SNX30: variants seen among roughly 807,000 people sequenced by gnomAD.
SNX30 encodes sorting nexin-30.
A neutral mutation model predicts 46.4 loss-of-function variants in SNX30; 24 were observed. That is an observed-to-expected ratio of 0.52 (90% CI 0.37 to 0.73). The LOEUF is 0.73. SNX30 is among the 30% of genes least tolerant of loss of function. The pLI is 0.00. For synonymous variants in SNX30, 189 were observed against 211.5 expected (o/e 0.89, Z 0.92); for missense variants, 533 against 555.7 (o/e 0.96, Z 0.41).
chr9:112,861,139 GCTT>G (rs1368522214), intron 7 of SNX30, among the ~76,000 whole-genome samples: 1 of 152,200 alleles, frequency 6.6e-6, no homozygotes, highest in Non-Finnish European at 1.5e-5. Flanking sequence ...ACTGAAGAGG[GCTT>G]CATGCAGTGC....
chr9:112,753,023 T>C (rs1035762085), intron 1 of SNX30, among the ~76,000 whole-genome samples: 90 of 152,292 alleles, frequency 5.9e-4, no homozygotes, highest in East Asian at 7.7e-4. Flanking sequence ...GTATAACTTA[T>C]CTTGGAAATG....
At chr9:112,823,271 C>G (rs564011424) in intron 3 of SNX30, among the ~76,000 whole-genome samples, 22 of 152,160 alleles carry the variant, frequency 1.4e-4, no homozygotes, top group Non-Finnish European at 2.5e-4. Context: ...GGAATGTATC[C>G]CCCTAGGATA....
At chr9:112,790,514 C>T (rs372019587) in intron 1 of SNX30, among the ~76,000 whole-genome samples, 1 of 152,242 alleles carries the variant, frequency 6.6e-6, no homozygotes, top group East Asian at 1.9e-4. Context: ...TGGAAGCATG[C>T]GTTGGCTCTT....
At chr9:112,838,377 A>T in intron 5 of SNX30, 121 bp from the exon 6 acceptor site, 1 of 753,692 alleles carries the variant, frequency 1.3e-6, no homozygotes, top group Non-Finnish European at 2.2e-6. Context: ...GGATCAGGTG[A>T]GTGAATGGCC....
intron 4 of SNX30, among the ~76,000 whole-genome samples, chr9:112,831,334 G>T (rs1178919091): frequency 6.6e-6 from 1 of 151,986 alleles, no homozygotes; most frequent in Non-Finnish European, 1.5e-5. Context: ...CACCCCATCC[G>T]GGGCCCCACC....
chr9:112,830,650 C>A (rs1840646068), intron 3 of SNX30, 75 bp from the exon 4 acceptor site: 3 of 1,380,710 alleles, frequency 2.2e-6, no homozygotes, highest in African/African-American at 1.5e-5. Flanking sequence ...GGTAATAGAA[C>A]TGTGTGCTAG....
chr9:112,806,877 A>G (rs1400152982), intron 2 of SNX30, among the ~76,000 whole-genome samples: 2 of 152,008 alleles, frequency 1.3e-5, no homozygotes, highest in Non-Finnish European at 2.9e-5. Flanking sequence ...TTGCTTTCCA[A>G]TGTTCCCTTC....
intron 1 of SNX30, among the ~76,000 whole-genome samples, chr9:112,766,621 C>G (rs1417294007): frequency 6.6e-6 from 1 of 152,202 alleles, no homozygotes; most frequent in Non-Finnish European, 1.5e-5. Flanking sequence ...CTGCCATTCT[C>G]TGTCTTCCCC....
At chr9:112,756,950 AAC>A (rs1839360149) in intron 1 of SNX30, among the ~76,000 whole-genome samples, 4 of 152,338 alleles carry the variant, frequency 2.6e-5, no homozygotes, top group Admixed American at 1.3e-4. Context: ...GGAGCAAATG[AAC>A]ACAGTCATCA....
Position 112,866,519 on chromosome 9 carries a change from G to A in SNX30, c.1254+2120G>A, listed in dbSNP as rs201676152. On this transcript the variant is annotated intron_variant, in intron 8 of 8. Transcript: ENST00000374232. ...GATCTGAAGTGATGGCCTAGGGAGA[G>A]AGCAGGACCTGGAATGCCACAGACC... 3.9e-3 allele frequency: 1,846 copies of A among 470,700 alleles called. 15 individuals are homozygous for A. Among genetic ancestry groups the A allele is most frequent in the Non-Finnish European group, 5.7e-3 (1,302 of 226,760 alleles). 29.2% of individuals were successfully genotyped at this position (470,700 alleles called of 1,614,324 possible).
intron 1 of SNX30, among the ~76,000 whole-genome samples, chr9:112,764,403 T>A (rs1588107801): frequency 6.6e-6 from 1 of 152,054 alleles, no homozygotes; most frequent in Admixed American, 6.5e-5. Context: ...TTTAAAGAGA[T>A]GGGGTCTCAC....
intron 7 of SNX30, among the ~76,000 whole-genome samples, chr9:112,861,779 G>T (rs1180148450): frequency 6.6e-6 from 1 of 152,174 alleles, no homozygotes; most frequent in African/African-American, 2.4e-5. Context: ...CCGCCACTCT[G>T]GAGTGCCTTC....
intron 1 of SNX30, among the ~76,000 whole-genome samples, chr9:112,785,452 C>T (rs1471712743): frequency 1.3e-5 from 2 of 150,296 alleles, no homozygotes; most frequent in East Asian, 2.0e-4. Flanking sequence ...GGCACAATCT[C>T]GGCTCACTGC....
chr9:112,855,057 C>T (rs111974670), intron 7 of SNX30, among the ~76,000 whole-genome samples: 4 of 152,286 alleles, frequency 2.6e-5, no homozygotes, highest in African/African-American at 9.6e-5. Flanking sequence ...TTCCTATGTC[C>T]TCAAGCTTCC....
intron 1 of SNX30, among the ~76,000 whole-genome samples, chr9:112,771,968 T>C (rs577585621): frequency 6.6e-6 from 1 of 152,198 alleles, no homozygotes; most frequent in Non-Finnish European, 1.5e-5. Context: ...TTCTTTTTTT[T>C]CCTGGTTCAA....
chr9:112,811,512 T>C (rs1294905273), intron 2 of SNX30, among the ~76,000 whole-genome samples: 2 of 152,154 alleles, frequency 1.3e-5, no homozygotes, highest in Non-Finnish European at 2.9e-5. Flanking sequence ...GATGACCGAT[T>C]AGACTGTCAT....
In SNX30 at chr9:112,869,995, G is replaced by A. The variant is rs763516536; in HGVS notation, c.*1152G>A. The A allele has an allele frequency of 3.3e-5, 5 of 152,114 alleles. No individual in the cohort carries two copies. The highest frequency in any genetic ancestry group is 1.9e-4 in the East Asian group (1 of 5,196). The allele number at this position is 152,114 out of a possible 1,614,324, so 9.4% of individuals were successfully genotyped here. On this transcript the variant is annotated 3_prime_UTR_variant, in exon 9 of 9. Coordinates refer to ENST00000374232, the MANE Select transcript of SNX30 (RefSeq NM_001012994.2). ...GAAAATCAGTACCTGGACGGGCCTC[G>A]AAAATGACAAATGCAACAGCGAGCC...
At chr9:112,876,342 T>A (rs1588147357), downstream of SNX30, among the ~76,000 whole-genome samples, 1 of 151,824 alleles carries the variant, frequency 6.6e-6, no homozygotes, top group East Asian at 1.9e-4. Flanking sequence ...AGGCTGGGCG[T>A]GGTGGCTCAT....
intron 1 of SNX30, among the ~76,000 whole-genome samples, chr9:112,796,614 A>T (rs1421219401): frequency 2.0e-5 from 3 of 152,172 alleles, no homozygotes; most frequent in Non-Finnish European, 2.9e-5. Context: ...GGGGAGGTCT[A>T]TTGCCATGAG....
Sources: allele counts gnomAD v4.1 joint callset (sites outside exome capture counted in the v4.1 genomes callset), GRCh38; gene constraint gnomAD v4.1.1; transcripts MANE v1.5; gene names NCBI Gene and HGNC (gene_info 2026-07-23, HGNC 2026-07-21).